The following CTSK variants were observed in gnomAD, a reference collection of about 807,000 sequenced individuals.
The protein encoded by CTSK is cathepsin O.
Under a neutral mutation model 40.5 loss-of-function variants are expected in CTSK, and 26 were observed. That is an observed-to-expected ratio of 0.64 (90% CI 0.47 to 0.89). The LOEUF (loss-of-function observed/expected upper bound fraction) is 0.89, where lower values mean the gene tolerates loss of function less well. Ranked by LOEUF, CTSK falls within the 40% of genes least tolerant of loss-of-function variation. The pLI is 0.00. For missense variants in CTSK, 292 were observed against 400.1 expected (o/e 0.73, Z 2.30); for synonymous variants, 132 against 143.2 (o/e 0.92, Z 0.56).
At chr1:150,803,451 G>A (rs1289751570) in intron 5 of CTSK, among the ~76,000 whole-genome samples, 1 of 152,110 alleles carries the variant, frequency 6.6e-6, no homozygotes, top group Non-Finnish European at 1.5e-5. Context: ...ACATTATATT[G>A]TCTATCAGAC....
intron 5 of CTSK, among the ~76,000 whole-genome samples, chr1:150,801,999 G>A (rs1375674965): frequency 6.6e-6 from 1 of 151,846 alleles, no homozygotes; most frequent in Non-Finnish European, 1.5e-5. Context: ...AGTAAGGGGT[G>A]GGGCATGGTG....
At chr1:150,800,669 T>G (rs192336490) in intron 5 of CTSK, 1 of 210,138 alleles carries the variant, frequency 4.8e-6, no homozygotes, top group East Asian at 1.1e-4. Context: ...TAAGGTTGCA[T>G]CCACAAGAAC....
chr1:150,798,424 A>T (rs1260709337), intron 7 of CTSK, among the ~76,000 whole-genome samples: 1 of 152,214 alleles, frequency 6.6e-6, no homozygotes, highest in Non-Finnish European at 1.5e-5. Flanking sequence ...GTAATTCCAA[A>T]GCTCCTGCTG....
intron 4 of CTSK, among the ~76,000 whole-genome samples, chr1:150,805,497 G>A (rs982784608): frequency 1.3e-5 from 2 of 151,760 alleles, no homozygotes; most frequent in Non-Finnish European, 2.9e-5. Context: ...AAATTAGCCA[G>A]GCGTAGTGGC....
At position 150,805,884 on chromosome 1, in the gene CTSK, A is replaced by G; in HGVS notation, c.376T>C (p.Tyr126His). ...PDSVDYRKKGYVTPVKNQGQC... is the reference protein window; with the variant it reads ...PDSVDYRKKGHVTPVKNQGQC... The stretch of plus-strand genomic sequence containing the variant: ...ACCTGATTTTTGACAGGAGTAACAT[A>G]TCCTTTCTTTCGATAGTCGACAGAG... Residue 126 changes from tyrosine (Y) to histidine (H), a missense_variant, in exon 4 of 8, where the codon TAT becomes CAT. Physicochemically the swap from Tyr to His is moderately conservative, Grantham distance 83. Coordinates refer to ENST00000271651, the MANE Select transcript of CTSK (RefSeq NM_000396.4). 1 of 1,614,188 alleles carries G rather than the reference A, an allele frequency of 6.2e-7. No individual in the cohort carries two copies. The highest frequency in any genetic ancestry group is 1.1e-5 in the South Asian group (1 of 91,084).
At position 150,804,031 on chromosome 1, in the gene CTSK, T is replaced by C; in HGVS notation, c.608A>G (p.Tyr203Cys). The C allele has an allele frequency of 6.2e-7, 1 of 1,614,096 alleles. No individual in the cohort carries two copies. The highest frequency in any genetic ancestry group is 1.1e-5 in the South Asian group (1 of 91,080). Residue 203 changes from tyrosine to cysteine, a missense_variant, in exon 5 of 8, where the codon TAT becomes TGT. By Grantham distance (194) the Tyr-to-Cys change is radical. Coordinates refer to ENST00000271651, the MANE Select transcript of CTSK (RefSeq NM_000396.4). ...GTGGAGCAATCTCACCTGTCCCACA[T>C]ATGGGTAGGCATCTTCAGAGTCAAT... is the stretch of plus-strand genomic sequence containing the variant. ...RGIDSEDAYP[Y>C]VGQEESCMYN... is the part of the protein sequence containing the mutation.
Position 150,806,143 on chromosome 1 carries a change from C to T in CTSK, c.202G>A (p.Val68Ile). The stretch of plus-strand genomic sequence containing the variant: ...TTCATAGCCAGTTCATATGTATGGA[C>T]ACCAAGAGAAGCCTCAAGGTTATGG... Reference protein sequence around the residue: ...SIHNLEASLGVHTYELAMNHL... With the variant: ...SIHNLEASLGIHTYELAMNHL... The change falls in exon 3 of 8, where the codon GTC becomes ATC. Residue 68 changes from valine to isoleucine, a missense_variant. Transcript: ENST00000271651. 3 of 1,614,188 alleles carry T rather than the reference C, an allele frequency of 1.9e-6. No individual in the cohort carries two copies. Among genetic ancestry groups the T allele is most frequent in the Non-Finnish European group, 2.5e-6 (3 of 1,180,018 alleles).
chr1:150,801,822 A>G (rs1288163188), intron 5 of CTSK, among the ~76,000 whole-genome samples: 1 of 151,934 alleles, frequency 6.6e-6, no homozygotes, highest in Non-Finnish European at 1.5e-5. Context: ...TACAAGCGTG[A>G]GCCACCGCGC....
At chr1:150,806,877 G>A in intron 1 of CTSK, 71 bp from the exon 2 acceptor site, 1 of 1,567,372 alleles carries the variant, frequency 6.4e-7, no homozygotes, top group East Asian at 2.2e-5. Context: ...GGCTTTATGA[G>A]GAAGAGAAAG....
chr1:150,804,369 C>T lies in CTSK; in HGVS notation c.400-130G>A, dbSNP rs974366968. Reference sequence around the variant, plus strand: ...AATGTTGTCATTGTTGTGAGTCTTCCTCTTCCGCTTAATATCTGTTGCACT... The same window carrying T: ...AATGTTGTCATTGTTGTGAGTCTTCTTCTTCCGCTTAATATCTGTTGCACT... On this transcript the variant is annotated intron_variant, in intron 4 of 7. Coordinates refer to ENST00000271651, the MANE Select transcript of CTSK (RefSeq NM_000396.4). 6 of 756,884 alleles carry T rather than the reference C, an allele frequency of 7.9e-6. No individual in the cohort carries two copies. In the African/African-American group the frequency reaches 1.0e-4, roughly 13 times the overall value. 46.9% of individuals were successfully genotyped at this position (756,884 alleles called of 1,614,324 possible). A position where few individuals can be genotyped will look rare whatever the true frequency, so the allele number is the denominator to read the frequency against.
intron 2 of CTSK, 85 bp downstream of exon 2, chr1:150,806,601 G>T: frequency 1.3e-6 from 2 of 1,561,262 alleles, no homozygotes; most frequent in Non-Finnish European, 1.8e-6. Context: ...TAAAGCATTT[G>T]GATTGAAGAA....
rs1653877802 is a variant in CTSK at position 150,796,368 on chromosome 1, A to G, written c.*431T>C. 1 of 208,602 alleles carries G rather than the reference A, an allele frequency of 4.8e-6. No homozygotes were observed. The highest frequency in any genetic ancestry group is 5.2e-5 in the Admixed American group (1 of 19,144). The allele number at this position is 208,602 out of a possible 1,614,324, so 12.9% of individuals were successfully genotyped here. On this transcript the variant is annotated 3_prime_UTR_variant, in exon 8 of 8. Coordinates refer to ENST00000271651, the MANE Select transcript of CTSK (RefSeq NM_000396.4). ...ATGAATTGGAGTAGAAAACATAGAC[A>G]TTTCTACCTTGAGGATATAGAAGGG...
chr1:150,803,932 C>G (rs1654038300), intron 5 of CTSK, 89 bp downstream of exon 5: 2 of 1,116,392 alleles, frequency 1.8e-6, no homozygotes, highest in Admixed American at 3.4e-5. Context: ...TAACAGAAAA[C>G]AGTATTTCTG....
intron 7 of CTSK, 134 bp from the exon 8 acceptor site, chr1:150,797,032 G>A: frequency 1.4e-6 from 1 of 728,426 alleles, no homozygotes; most frequent in South Asian, 1.5e-5. Flanking sequence ...AGAGTTTAAA[G>A]TCAAGAAATA....
chr1:150,804,033 T>C lies in CTSK; in HGVS notation c.606A>G (p.Pro202=), dbSNP rs1654040742. 1.2e-6 allele frequency: 2 copies of C among 1,614,118 alleles called. No individual in the cohort carries two copies. The highest frequency in any genetic ancestry group is 1.3e-5 in the African/African-American group (1 of 75,040). ...NRGIDSEDAY[P]YVGQEESCMY... is the part of the protein sequence containing the mutation. ...GGAGCAATCTCACCTGTCCCACATA[T>C]GGGTAGGCATCTTCAGAGTCAATAC... is the stretch of plus-strand genomic sequence containing the variant. Residue 202 remains proline, a synonymous_variant, in exon 5 of 8, where the codon CCA becomes CCG. Transcript: ENST00000271651.
At position 150,796,854 on chromosome 1, in the gene CTSK, C is replaced by T. The variant is rs1653885221; in HGVS notation, c.935G>A (p.Arg312Gln). The change falls in exon 8 of 8, where the codon CGA becomes CAA. Residue 312 changes from arginine (R) to glutamine (Q), a missense_variant. Arg to Gln is a conservative substitution (Grantham distance 43). Transcript: ENST00000271651. ...WGNKGYILMARNKNNACGIAN... is the reference protein window; with the variant it reads ...WGNKGYILMAQNKNNACGIAN... ...AATGCCACAGGCGTTGTTCTTATTT[C>T]GAGCCATGAGGATATATCCTTTGTT... 5 of 1,613,976 alleles carry T rather than the reference C, an allele frequency of 3.1e-6. No homozygotes were observed. The highest frequency in any genetic ancestry group is 1.3e-5 in the African/African-American group (1 of 74,906).
chr1:150,799,123 G>T (rs1222671805), intron 7 of CTSK, 45 bp downstream of exon 7: 3 of 1,291,346 alleles, frequency 2.3e-6, no homozygotes, highest in Non-Finnish European at 3.4e-6. Context: ...GAGGTTGAGT[G>T]TTAAAAGGGT....
At chr1:150,799,800 C>T in intron 5 of CTSK, 91 bp from the exon 6 acceptor site, 1 of 1,204,528 alleles carries the variant, frequency 8.3e-7, no homozygotes, top group Non-Finnish European at 1.2e-6. Context: ...TGAGTGATGC[C>T]AGTGAACTAA....
At position 150,806,214 on chromosome 1, in the gene CTSK, A is replaced by G; in HGVS notation, c.131T>C (p.Ile44Thr). The change falls in exon 3 of 8, where the codon ATC (isoleucine) becomes ACC (threonine). Residue 44 changes from isoleucine to threonine, a missense_variant. Transcript: ENST00000271651. The stretch of plus-strand genomic sequence containing the variant: ...TTTTTCCCAAATTAAACGCCGAGAG[A>G]TTTCATCCACCTAAACAAAGCATAG... ...RKQYNNKVDE[I>T]SRRLIWEKNL... 1 of 1,614,076 alleles carries G rather than the reference A, an allele frequency of 6.2e-7. No individual in the cohort carries two copies. The highest frequency in any genetic ancestry group is 8.5e-7 in the Non-Finnish European group (1 of 1,179,998).
Sources: allele counts gnomAD v4.1 joint callset (sites outside exome capture counted in the v4.1 genomes callset), GRCh38; gene constraint gnomAD v4.1.1; transcripts MANE v1.5; gene names NCBI Gene and HGNC (gene_info 2026-07-23, HGNC 2026-07-21).